Variants in DDC observed in about 807,000 individuals in gnomAD.
DDC encodes aromatic-L-amino-acid decarboxylase.
Under a neutral mutation model 60.0 loss-of-function variants are expected in DDC, and 43 were observed. The observed-to-expected ratio is 0.72, with a 90% CI of 0.56 to 0.92. The LOEUF (loss-of-function observed/expected upper bound fraction) is 0.92. DDC is among the 40% of genes least tolerant of loss of function. DDC has a pLI of 0.00. For synonymous variants in DDC, 232 were observed against 234.6 expected (o/e 0.99, Z 0.10); for missense variants, 573 against 620.2 (o/e 0.92, Z 0.81).
intron 13 of DDC, among the ~76,000 whole-genome samples, chr7:50,466,757 G>A (rs1401550014): frequency 1.3e-5 from 2 of 152,202 alleles, no homozygotes; most frequent in Non-Finnish European, 2.9e-5. Context: ...TCCTGTGTGG[G>A]CATCTTGTAA....
chr7:50,466,745 A>G (rs148221226), intron 13 of DDC, among the ~76,000 whole-genome samples: 151 of 152,022 alleles, frequency 9.9e-4, no homozygotes, highest in African/African-American at 3.5e-3. Flanking sequence ...TGTCAAACAG[A>G]CTCCTGTGTG....
chr7:50,467,410 T>G (rs980208404), intron 12 of DDC, 95 bp from the exon 13 acceptor site: 2 of 1,018,778 alleles, frequency 2.0e-6, no homozygotes, highest in African/African-American at 3.2e-5. Context: ...CATGTATAAT[T>G]CATTTAGACG....
chr7:50,483,376 T>C (rs2042812179), intron 9 of DDC, among the ~76,000 whole-genome samples: 1 of 152,242 alleles, frequency 6.6e-6, no homozygotes. Context: ...ACTATATTTT[T>C]TAAAATCTCA....
At chr7:50,477,601 T>G (rs770130808) in intron 10 of DDC, 1 of 453,786 alleles carries the variant, frequency 2.2e-6, no homozygotes, top group Non-Finnish European at 4.4e-6. Context: ...CAAGAACATC[T>G]GAAGTCACCA....
At chr7:50,562,867 A>C (rs995010682) in intron 1 of DDC, among the ~76,000 whole-genome samples, 1 of 152,224 alleles carries the variant, frequency 6.6e-6, no homozygotes, top group Admixed American at 6.5e-5. Flanking sequence ...TTCAGTAGCT[A>C]TTAAAAAAAT....
chr7:50,491,155 C>T (rs1156866402), intron 9 of DDC, among the ~76,000 whole-genome samples: 1 of 152,108 alleles, frequency 6.6e-6, no homozygotes, highest in African/African-American at 2.4e-5. Context: ...TTTCTTAAAG[C>T]CCTGTAAACT....
chr7:50,520,911 AT>A (rs2043871205), intron 6 of DDC, among the ~76,000 whole-genome samples: 2 of 10,134 alleles, frequency 2.0e-4, no homozygotes, highest in South Asian at 4.7e-3. Context: ...AAATAAATAA[AT>A]AAATAAATAA....
chr7:50,524,745 C>G (rs1004492253), intron 6 of DDC, among the ~76,000 whole-genome samples: 2 of 152,192 alleles, frequency 1.3e-5, no homozygotes, highest in African/African-American at 2.4e-5. Flanking sequence ...TACAGTCACT[C>G]TGGAAAATAC....
intron 1 of DDC, among the ~76,000 whole-genome samples, chr7:50,561,559 C>G (rs1585302169): frequency 6.6e-6 from 1 of 152,130 alleles, no homozygotes; most frequent in African/African-American, 2.4e-5. Context: ...GCATGCATCT[C>G]AAACTCCTGT....
rs1411173456 is a variant in DDC, at chr7:50,528,134, T to C, written c.714+3A>G. Reference sequence around the variant, plus strand: ...CAGGAGCCACAAGTGCTGCCGAACTTACAAAGAAAGGAATCAGGCCAGCCG... The same window carrying C: ...CAGGAGCCACAAGTGCTGCCGAACTCACAAAGAAAGGAATCAGGCCAGCCG... On this transcript the variant is annotated splice_donor_region_variant and intron_variant, in intron 6 of 14. Coordinates refer to ENST00000444124, the MANE Select transcript of DDC (RefSeq NM_001082971.2). The C allele has an allele frequency of 3.7e-6, 6 of 1,612,414 alleles. No homozygotes were observed. Among genetic ancestry groups the C allele is most frequent in the Non-Finnish European group, 4.2e-6 (5 of 1,179,902 alleles).
chr7:50,481,147 G>A (rs764528191), intron 9 of DDC, among the ~76,000 whole-genome samples: 1 of 152,230 alleles, frequency 6.6e-6, no homozygotes, highest in African/African-American at 2.4e-5. Flanking sequence ...ATGCTGAGAT[G>A]TGGCTTACCA....
At chr7:50,478,557 T>A (rs553878377) in intron 10 of DDC, among the ~76,000 whole-genome samples, 2 of 152,294 alleles carry the variant, frequency 1.3e-5, no homozygotes, top group South Asian at 4.1e-4. Flanking sequence ...TAGTGCAAGT[T>A]CCTATCTGCT....
chr7:50,558,670 T>A (rs2153554389), intron 1 of DDC, among the ~76,000 whole-genome samples: 1 of 152,238 alleles, frequency 6.6e-6, no homozygotes, highest in Non-Finnish European at 1.5e-5. Flanking sequence ...AGCCAGTAAG[T>A]GAAGGAGTGG....
chr7:50,536,263 C>T (rs1294513822), intron 4 of DDC, among the ~76,000 whole-genome samples: 1 of 152,178 alleles, frequency 6.6e-6, no homozygotes, highest in East Asian at 1.9e-4. Flanking sequence ...AAAGCCCCCT[C>T]CCTGCTTTGA....
chr7:50,560,563 G>A (rs956925302), intron 1 of DDC, among the ~76,000 whole-genome samples: 6 of 152,134 alleles, frequency 3.9e-5, no homozygotes, highest in Non-Finnish European at 7.3e-5. Context: ...CCAGGGAGGT[G>A]TGCATCTGAA....
chr7:50,538,027 A>T, intron 3 of DDC, 48 bp from the exon 4 acceptor site: 3 of 1,613,472 alleles, frequency 1.9e-6, no homozygotes, highest in Non-Finnish European at 1.7e-6. Context: ...GGCATTGCAG[A>T]ATTTGGGGGT....
intron 9 of DDC, among the ~76,000 whole-genome samples, chr7:50,480,906 C>T (rs11575446): frequency 0.012 from 1,793 of 152,270 alleles, 33 homozygotes; most frequent in African/African-American, 0.041. Flanking sequence ...CTGCAGAACT[C>T]GGACGCAAAC....
At chr7:50,537,741 T>C (rs1451062303) in intron 4 of DDC, 119 bp downstream of exon 4, 5 of 1,334,294 alleles carry the variant, frequency 3.7e-6, no homozygotes, top group Non-Finnish European at 4.3e-6. Context: ...TTTTGTTTAT[T>C]CTCCAGGAGA....
At chr7:50,528,413 C>G in intron 5 of DDC, 133 bp from the exon 6 acceptor site, 3 of 1,028,620 alleles carry the variant, frequency 2.9e-6, no homozygotes, top group South Asian at 2.6e-5. Flanking sequence ...CAGAACTGCT[C>G]CTGACTGCTC....
Sources: gnomAD v4.1 joint callset for allele counts (sites outside exome capture counted in the v4.1 genomes callset) on GRCh38, gnomAD v4.1.1 for gene constraint, MANE v1.5 for transcripts, NCBI Gene and HGNC (gene_info 2026-07-23, HGNC 2026-07-21) for gene names.